TBL1Y: variants seen among roughly 807,000 people sequenced by gnomAD.
TBL1Y encodes the protein transducin beta like 1 Y-linked, also known as F-box-like/WD repeat-containing protein TBL1Y.
A neutral mutation model predicts 12.0 loss-of-function variants in TBL1Y; 15 were observed. The observed-to-expected ratio is 1.25, with a 90% CI of 0.83 to 1.92. The LOEUF is 1.92. Ranked by LOEUF, TBL1Y falls within the 40% of genes most tolerant of loss-of-function variation. The probability of loss-of-function intolerance (pLI) is 0.00; values close to 1 mark genes in which losing one functional copy is unlikely to be tolerated. For missense variants in TBL1Y, 148 were observed against 116.7 expected (o/e 1.27, Z -1.24); for synonymous variants, 53 against 42.6 (o/e 1.24, Z -0.95).
At chrY:6,952,554 TTGAGGCTA>T (rs2012038204) in intron 2 of TBL1Y, among the ~76,000 whole-genome samples, 1 of 33,043 alleles carries the variant, frequency 3.0e-5, no homozygotes, top group Non-Finnish European at 7.4e-5. Context: ...TCCTTTTATT[TTGAGGCTA>T]TGTGTGTCTC....
intron 3 of TBL1Y, among the ~76,000 whole-genome samples, chrY:6,982,671 G>A: frequency 6.0e-5 from 2 of 33,613 alleles, no homozygotes; most frequent in Admixed American, 5.4e-4. Flanking sequence ...AAAGTGCTTT[G>A]AAAAATAAAA....
chrY:6,982,344 T>C, intron 3 of TBL1Y, among the ~76,000 whole-genome samples: 1 of 32,450 alleles, frequency 3.1e-5, no homozygotes, highest in South Asian at 7.1e-4. Context: ...TGGTCCCAAC[T>C]ACACAGGAAG....
Position 7,087,888 on chromosome Y carries a change from C to T in TBL1Y, c.1446+456C>T. On this transcript the variant is annotated intron_variant, in intron 17 of 18. Coordinates refer to ENST00000383032, the MANE Select transcript of TBL1Y (RefSeq NM_033284.2). ...GGTGAGGCCAACTCAACATCCTCCA[C>T]GCACACCAGCTCCTGCAGCTCCACC... Among the ~76,000 whole-genome samples the T allele has an allele frequency of 1.5e-4, 5 of 33,462 alleles. No homozygotes were observed. In the South Asian group the frequency reaches 2.7e-3, roughly 18 times the overall value. The allele number at this position is 33,462 out of a possible 37,273, so 89.8% of individuals were successfully genotyped here.
intron 6 of TBL1Y, among the ~76,000 whole-genome samples, chrY:7,041,003 T>C: frequency 8.8e-5 from 3 of 34,199 alleles, no homozygotes; most frequent in Admixed American, 2.6e-4. Flanking sequence ...TCTTCCACAG[T>C]TGATTTGTCA....
chrY:6,971,702 A>G (rs887497924), intron 2 of TBL1Y, among the ~76,000 whole-genome samples: 3 of 33,098 alleles, frequency 9.1e-5, no homozygotes, highest in Non-Finnish European at 7.4e-5. Context: ...TCTGCGTCCC[A>G]TGTTCAAGCG....
At chrY:7,020,447 A>G (rs2012576117) in intron 4 of TBL1Y, among the ~76,000 whole-genome samples, 3 of 32,624 alleles carry the variant, frequency 9.2e-5, no homozygotes, top group African/African-American at 3.6e-4. Flanking sequence ...CAGGCATGGC[A>G]GCGGTTGCCT....
At chrY:7,085,778 A>G in intron 14 of TBL1Y, 120 bp from the exon 15 acceptor site, 4 of 196,407 alleles carry the variant, frequency 2.0e-5, no homozygotes, top group Non-Finnish European at 2.7e-5. Flanking sequence ...CTTTGATGTC[A>G]GGCTGAGGCC....
At chrY:7,004,507 A>G (rs2012474710) in intron 4 of TBL1Y, among the ~76,000 whole-genome samples, 1 of 34,316 alleles carries the variant, frequency 2.9e-5, no homozygotes, top group African/African-American at 1.1e-4. Context: ...ACTTCACATA[A>G]GTGTAATCAT....
chrY:7,079,991 G>A, intron 13 of TBL1Y, among the ~76,000 whole-genome samples: 1 of 29,711 alleles, frequency 3.4e-5, no homozygotes. Flanking sequence ...GGCAGGAGAG[G>A]GTCTTTAAGG....
At chrY:7,041,056 G>T in intron 6 of TBL1Y, among the ~76,000 whole-genome samples, 1 of 34,401 alleles carries the variant, frequency 2.9e-5, no homozygotes, top group African/African-American at 1.1e-4. Context: ...AGCACCTAAT[G>T]CTGTATTCTT....
chrY:7,070,583 G>A, intron 9 of TBL1Y, 137 bp from the exon 10 acceptor site: 1 of 264,648 alleles, frequency 3.8e-6, no homozygotes, highest in Non-Finnish European at 5.8e-6. Context: ...TGACAAGGAG[G>A]GAAACAGGGA....
At chrY:7,038,502 T>C (rs1603042297) in intron 6 of TBL1Y, among the ~76,000 whole-genome samples, 2 of 32,340 alleles carry the variant, frequency 6.2e-5, no homozygotes, top group Non-Finnish European at 1.5e-4. Flanking sequence ...GGAAACATTT[T>C]CGATTGTCAC....
At chrY:7,014,293 T>A in intron 4 of TBL1Y, among the ~76,000 whole-genome samples, 1 of 32,649 alleles carries the variant, frequency 3.1e-5, no homozygotes, top group South Asian at 7.0e-4. Context: ...TCCTCTCTCT[T>A]TCCCTCCTGC....
chrY:7,019,155 A>T, intron 4 of TBL1Y, among the ~76,000 whole-genome samples: 1 of 34,060 alleles, frequency 2.9e-5, no homozygotes, highest in South Asian at 6.7e-4. Context: ...TCCATTTCAT[A>T]ACAAATATTT....
chrY:7,064,876 G>C, intron 8 of TBL1Y, among the ~76,000 whole-genome samples: 1 of 33,432 alleles, frequency 3.0e-5, no homozygotes, highest in South Asian at 6.9e-4. Context: ...AGCTCTCCTA[G>C]ACTATTAATG....
At chrY:6,947,489 G>A (rs1047725647) in intron 2 of TBL1Y, among the ~76,000 whole-genome samples, 2 of 33,686 alleles carry the variant, frequency 5.9e-5, no homozygotes, top group East Asian at 1.5e-3. Flanking sequence ...AAAGAAGGAA[G>A]AAAATTGAAA....
intron 7 of TBL1Y, among the ~76,000 whole-genome samples, chrY:7,045,088 C>G: frequency 3.0e-5 from 1 of 33,255 alleles, no homozygotes; most frequent in African/African-American, 1.2e-4. Context: ...CTGGGATCTT[C>G]AAGTTACCCT....
chrY:6,994,655 G>T, intron 3 of TBL1Y, among the ~76,000 whole-genome samples: 1 of 34,191 alleles, frequency 2.9e-5, no homozygotes, highest in East Asian at 7.6e-4. Flanking sequence ...ATACAAATGT[G>T]CTTTTTTATA....
chrY:7,017,530 G>A, intron 4 of TBL1Y, among the ~76,000 whole-genome samples: 12 of 33,594 alleles, frequency 3.6e-4, no homozygotes, highest in Non-Finnish European at 7.4e-4. Flanking sequence ...TTCGAGGAAT[G>A]CCCCTTTCTA....
Sources: allele counts gnomAD v4.1 joint callset (sites outside exome capture counted in the v4.1 genomes callset), GRCh38; gene constraint gnomAD v4.1.1; transcripts MANE v1.5; gene names NCBI Gene and HGNC (gene_info 2026-07-23, HGNC 2026-07-21).